Variants in ADARB2 observed in about 807,000 individuals in gnomAD.
ADARB2 encodes adenosine deaminase RNA specific B2 (inactive).
In ADARB2, 25 loss-of-function variants were observed where a neutral mutation model predicts 62.2. The observed-to-expected ratio is 0.40, with a 90% CI of 0.29 to 0.56. The LOEUF (loss-of-function observed/expected upper bound fraction) is 0.56, where lower values mean the gene tolerates loss of function less well. Ranked by LOEUF, ADARB2 falls within the 20% of genes least tolerant of loss-of-function variation. ADARB2 has a pLI of 0.43. For synonymous variants in ADARB2, 572 were observed against 500.8 expected, an observed-to-expected ratio of 1.14 and a Z score of -1.90; for missense variants, 1,071 against 1,077.4, an observed-to-expected ratio of 0.99 and a Z score of 0.08.
chr10:1,548,423 G>T (rs1336262372), intron 1 of ADARB2, among the ~76,000 whole-genome samples: 2 of 152,234 alleles, frequency 1.3e-5, no homozygotes, highest in African/African-American at 4.8e-5. Flanking sequence ...GGGGGTTTCG[G>T]GGACCCCCGG....
chr10:1,555,896 C>T (rs190151471), intron 1 of ADARB2, among the ~76,000 whole-genome samples: 1 of 152,218 alleles, frequency 6.6e-6, no homozygotes, highest in East Asian at 2.0e-4. Flanking sequence ...GATCACACCA[C>T]TGCACTCCAG....
intron 5 of ADARB2, among the ~76,000 whole-genome samples, chr10:1,241,218 C>A (rs1433902710): frequency 6.6e-6 from 1 of 151,932 alleles, no homozygotes; most frequent in African/African-American, 2.4e-5. Context: ...AAGATAATGC[C>A]ATTGCACTCC....
At chr10:1,562,063 C>T (rs951339203) in intron 1 of ADARB2, among the ~76,000 whole-genome samples, 3 of 152,224 alleles carry the variant, frequency 2.0e-5, no homozygotes, top group African/African-American at 7.2e-5. Context: ...ACCCGTCTCC[C>T]TCTGGCCATT....
rs13377124 is a variant in ADARB2, at chr10:1,629,067, G to A, written c.100+107984C>T. Among the ~76,000 whole-genome samples the A allele has an allele frequency of 4.9e-3, 752 of 152,340 alleles. 10 individuals carry two copies. Among genetic ancestry groups the A allele is most frequent in the African/African-American group, 0.017 (712 of 41,580 alleles). On this transcript the variant is annotated intron_variant, in intron 1 of 9. Coordinates refer to ENST00000381312, the MANE Select transcript of ADARB2 (RefSeq NM_018702.4). Reference sequence around the variant, plus strand: ...GCTGAGACCCTCAGTGAGGACAGGCGTGAAACTGGCTCAAGCTGTTCGCCA... The same window carrying A: ...GCTGAGACCCTCAGTGAGGACAGGCATGAAACTGGCTCAAGCTGTTCGCCA...
chr10:1,217,715 A>G (rs1054306072), intron 6 of ADARB2, among the ~76,000 whole-genome samples: 1 of 152,116 alleles, frequency 6.6e-6, no homozygotes, highest in Non-Finnish European at 1.5e-5. Flanking sequence ...TACTTCCTCT[A>G]ATGACGAGGG....
chr10:1,567,777 G>A (rs1832876478), intron 1 of ADARB2, among the ~76,000 whole-genome samples: 1 of 152,166 alleles, frequency 6.6e-6, no homozygotes, highest in Non-Finnish European at 1.5e-5. Flanking sequence ...CCACTACCAT[G>A]CGCACAGCAG....
chr10:1,633,559 TC>T lies in ADARB2; in HGVS notation c.100+103491del, dbSNP rs1778367702. Reference sequence around the variant, plus strand: ...TGTCTGTCTATCTATCATCTATCTATCTATCTATCTATCTATCTATCTATCT... The same window carrying T: ...TGTCTGTCTATCTATCATCTATCTATTATCTATCTATCTATCTATCTATCT... On this transcript the variant is annotated intron_variant, in intron 1 of 9. Coordinates refer to ENST00000381312, the MANE Select transcript of ADARB2 (RefSeq NM_018702.4). 2.2e-5 allele frequency among the ~76,000 whole-genome samples: 3 copies of T among 134,652 alleles called. No homozygotes were observed. In the South Asian group the frequency reaches 7.7e-4, roughly 35 times the overall value. The allele number at this position is 134,652 out of a possible 152,430, so 88.3% of individuals were successfully genotyped here.
intron 3 of ADARB2, among the ~76,000 whole-genome samples, chr10:1,295,803 T>G (rs931358354): frequency 6.6e-6 from 1 of 152,224 alleles, no homozygotes; most frequent in Non-Finnish European, 1.5e-5. Context: ...CTAATATCAT[T>G]GAATATGGGA....
At chr10:1,617,588 T>C (rs1435958352) in intron 1 of ADARB2, among the ~76,000 whole-genome samples, 15 of 139,474 alleles carry the variant, frequency 1.1e-4, no homozygotes, top group African/African-American at 4.1e-4. Context: ...AGACACACTC[T>C]GCACTGCCCT....
At chr10:1,261,536 G>A (rs1225711835) in intron 4 of ADARB2, among the ~76,000 whole-genome samples, 1 of 150,288 alleles carries the variant, frequency 6.7e-6, no homozygotes, top group South Asian at 2.1e-4. Context: ...GCAGCCAAAA[G>A]ACACATGAAA....
intron 1 of ADARB2, among the ~76,000 whole-genome samples, chr10:1,585,047 T>C (rs1833155600): frequency 2.0e-5 from 3 of 151,952 alleles, no homozygotes; most frequent in Admixed American, 6.6e-5. Flanking sequence ...CCATTGTACA[T>C]TTGTCTACAC....
Position 1,669,833 on chromosome 10 carries a change from C to T in ADARB2, c.100+67218G>A, listed in dbSNP as rs577389197. On this transcript the variant is annotated intron_variant, in intron 1 of 9. Coordinates refer to ENST00000381312, the MANE Select transcript of ADARB2 (RefSeq NM_018702.4). ...ACACAGACACATAGACTCACAGACACACAAACAGACACACTCATAGAGACA... is the reference window on the plus strand; with the variant it reads ...ACACAGACACATAGACTCACAGACATACAAACAGACACACTCATAGAGACA... 3.3e-5 allele frequency among the ~76,000 whole-genome samples: 5 copies of T among 151,782 alleles called. No homozygotes were observed. The East Asian group carries it at 9.7e-4, about 29-fold the overall frequency.
chr10:1,604,862 A>C (rs1019116380), intron 1 of ADARB2, among the ~76,000 whole-genome samples: 1 of 152,226 alleles, frequency 6.6e-6, no homozygotes, highest in Admixed American at 6.5e-5. Context: ...GTCTGTGTGC[A>C]TGAAGCTCTG....
chr10:1,363,943 G>T (rs368371502), intron 2 of ADARB2, 26 bp from the exon 3 acceptor site: 63 of 1,425,250 alleles, frequency 4.4e-5, no homozygotes, highest in Non-Finnish European at 5.6e-5. Flanking sequence ...GACCAGTCAG[G>T]AGCCTGGGCG....
At chr10:1,550,148 C>T (rs1832593897) in intron 1 of ADARB2, among the ~76,000 whole-genome samples, 1 of 152,190 alleles carries the variant, frequency 6.6e-6, no homozygotes, top group Non-Finnish European at 1.5e-5. Context: ...CCACAGCCCA[C>T]ACCTGGAACC....
chr10:1,363,748 C>G lies in ADARB2; in HGVS notation c.357G>C (p.Lys119Asn). 1 of 1,607,774 alleles carries G rather than the reference C, an allele frequency of 6.2e-7. No homozygotes were observed. Residue 119 changes from lysine (K) to asparagine (N), a missense_variant, in exon 3 of 10, where the codon AAG becomes AAC. Coordinates refer to ENST00000381312, the MANE Select transcript of ADARB2 (RefSeq NM_018702.4). ...TCTTGGGCGCCACCGACCACGACAG[C>G]TTCTTCCAGACCAGCTGCAGTTTGC... ...HLCKLQLVWKKLSWSVAPKNA... is the reference protein window; with the variant it reads ...HLCKLQLVWKNLSWSVAPKNA...
chr10:1,407,528 C>T (rs553696305), intron 1 of ADARB2, among the ~76,000 whole-genome samples: 15 of 152,240 alleles, frequency 9.9e-5, no homozygotes, highest in African/African-American at 3.6e-4. Flanking sequence ...GGGAAGTTGA[C>T]GGTAGGGGGC....
At chr10:1,626,304 C>T (rs892173103) in intron 1 of ADARB2, among the ~76,000 whole-genome samples, 7 of 144,638 alleles carry the variant, frequency 4.8e-5, no homozygotes, top group African/African-American at 7.8e-5. Flanking sequence ...GGACCTCGGA[C>T]GCTAACCCCA....
At position 1,183,204 on chromosome 10, in the gene ADARB2, G is replaced by C. The variant is rs1237303189; in HGVS notation, c.2209C>G (p.Leu737Val). Residue 737 changes from leucine (L) to valine (V), a missense_variant, in exon 10 of 10, where the codon CTG becomes GTG. Transcript: ENST00000381312. ...RKPPEQQQFL[L>V]TL Reference sequence around the variant, plus strand: ...CAGGAGCCCGCAGCCTAGAGAGTCAGTAGAAACTGCTGCTGCTCCGGTGGT... The same window carrying C: ...CAGGAGCCCGCAGCCTAGAGAGTCACTAGAAACTGCTGCTGCTCCGGTGGT... 1 of 1,613,192 alleles carries C rather than the reference G, an allele frequency of 6.2e-7. No individual in the cohort carries two copies. The highest frequency in any genetic ancestry group is 8.5e-7 in the Non-Finnish European group (1 of 1,179,952).
Sources: allele counts gnomAD v4.1 joint callset (sites outside exome capture counted in the v4.1 genomes callset), GRCh38; gene constraint gnomAD v4.1.1; transcripts MANE v1.5; gene names NCBI Gene and HGNC (gene_info 2026-07-23, HGNC 2026-07-21).